The following CRX variants were observed in gnomAD, a reference collection of about 807,000 sequenced individuals.
CRX encodes the protein cone-rod homeobox protein.
Under a neutral mutation model 13.1 loss-of-function variants are expected in CRX, and 5 were observed. The ratio of observed to expected loss-of-function variants is 0.38; its 90% CI spans 0.20 to 0.80. The LOEUF is 0.80. Among genes scored for constraint, CRX ranks in the 30% least tolerant of loss-of-function variants. The probability of loss-of-function intolerance (pLI) is 0.43; values close to 1 mark genes in which losing one functional copy is unlikely to be tolerated. For missense variants in CRX, 351 were observed against 391.8 expected (o/e 0.90, Z 0.88); for synonymous variants, 179 against 171.1 (o/e 1.05, Z -0.36).
At chr19:47,822,155 G>A (rs4802392) in intron 1 of CRX, 145 bp downstream of exon 1, 52,377 of 152,344 alleles carry the variant, frequency 0.34, 10,682 homozygotes, top group East Asian at 0.74. Flanking sequence ...CAGAGGTGCC[G>A]TCCTGGCATT....
At chr19:47,834,281 G>A in intron 1 of CRX, 128 bp from the exon 2 acceptor site, 1 of 683,670 alleles carries the variant, frequency 1.5e-6, no homozygotes, top group Non-Finnish European at 2.7e-6. Flanking sequence ...GAGGTACAGA[G>A]AGGTGAGATA....
At chr19:47,826,694 A>G (rs753396653) in intron 1 of CRX, among the ~76,000 whole-genome samples, 3 of 152,242 alleles carry the variant, frequency 2.0e-5, no homozygotes, top group South Asian at 2.1e-4. Flanking sequence ...GACTACCTGT[A>G]TAGAGAAGGC....
At chr19:47,831,067 G>A (rs950330107) in intron 1 of CRX, among the ~76,000 whole-genome samples, 3 of 151,962 alleles carry the variant, frequency 2.0e-5, no homozygotes, top group Non-Finnish European at 4.4e-5. Flanking sequence ...CCAGCACTTT[G>A]GGAAGCCGAG....
At chr19:47,822,652 G>C (rs1454772997) in intron 1 of CRX, among the ~76,000 whole-genome samples, 1 of 152,218 alleles carries the variant, frequency 6.6e-6, no homozygotes, top group Non-Finnish European at 1.5e-5. Flanking sequence ...CACTGTGCTG[G>C]TGAATTGATC....
chr19:47,831,736 C>T (rs568784817), intron 1 of CRX, among the ~76,000 whole-genome samples: 27 of 151,916 alleles, frequency 1.8e-4, no homozygotes, highest in African/African-American at 5.3e-4. Flanking sequence ...GAGCCTAGAA[C>T]TTTTTTTAAT....
At chr19:47,831,888 G>T (rs553092856) in intron 1 of CRX, among the ~76,000 whole-genome samples, 3 of 143,794 alleles carry the variant, frequency 2.1e-5, no homozygotes, top group Non-Finnish European at 4.6e-5. Flanking sequence ...GATTACAGGC[G>T]CCTGCCACCA....
At chr19:47,835,583 A>AG (rs1485664668) in intron 2 of CRX, among the ~76,000 whole-genome samples, 2 of 142,764 alleles carry the variant, frequency 1.4e-5, no homozygotes, top group Non-Finnish European at 3.0e-5. Flanking sequence ...AAGAGAAGTG[A>AG]GTACTCAGTT....
chr19:47,834,019 C>T (rs1968086666), intron 1 of CRX, among the ~76,000 whole-genome samples: 1 of 147,154 alleles, frequency 6.8e-6, no homozygotes, highest in Non-Finnish European at 1.5e-5. Context: ...TTTTAAGAGA[C>T]AGGGTCTTGC....
At chr19:47,824,990 A>ATTTTTTTTTTT (rs11374819) in intron 1 of CRX, among the ~76,000 whole-genome samples, 4 of 100,366 alleles carry the variant, frequency 4.0e-5, no homozygotes, top group East Asian at 2.8e-4. Flanking sequence ...CGATTGATTG[A>ATTTTTTTTTTT]TTTTTTTTTT....
Position 47,830,993 on chromosome 19 carries a change from T to C in CRX, c.-35-3416T>C, listed in dbSNP as rs559019747. On this transcript the variant is annotated intron_variant, in intron 1 of 3. Coordinates refer to ENST00000221996, the MANE Select transcript of CRX (RefSeq NM_000554.6). The stretch of plus-strand genomic sequence containing the variant: ...CTTCCTGGGGTTACCATTTACCTTG[T>C]CGAAGTCTAGACTCTAATCAATAAT... 5.3e-5 allele frequency among the ~76,000 whole-genome samples: 8 copies of C among 152,110 alleles called. No individual in the cohort carries two copies. In the East Asian group the frequency reaches 1.6e-3, roughly 29 times the overall value.
rs996051611 is a variant in CRX, at chr19:47,832,198, C to T, written c.-35-2211C>T. 4.4e-5 allele frequency among the ~76,000 whole-genome samples: 6 copies of T among 137,488 alleles called. 1 individual carries two copies. The highest frequency in any genetic ancestry group is 1.6e-4 in the Admixed American group (2 of 12,696). 90.2% of individuals were successfully genotyped at this position (137,488 alleles called of 152,430 possible). A position where few individuals can be genotyped will look rare whatever the true frequency, so the allele number is the denominator to read the frequency against. ...TTGGCTCATTGCAACTTCTGCCTCC[C>T]GGGTTCAAGCGATTCTCCTGCCTCA... On this transcript the variant is annotated intron_variant, in intron 1 of 3. Coordinates refer to ENST00000221996, the MANE Select transcript of CRX (RefSeq NM_000554.6).
At position 47,841,952 on chromosome 19, in the gene CRX, T is replaced by C. The variant is rs1968202550; in HGVS notation, c.*1985T>C. 6.6e-6 allele frequency: 1 copy of C among 152,178 alleles called. No individual in the cohort carries two copies. The highest frequency in any genetic ancestry group is 2.1e-4 in the South Asian group (1 of 4,828). 9.4% of individuals were successfully genotyped at this position (152,178 alleles called of 1,614,324 possible). A position where few individuals can be genotyped will look rare whatever the true frequency, so the allele number is the denominator to read the frequency against. ...AGGAAAAGGTTGGTTGTGGAGTGTT[T>C]GTCAGTTTCCGTGGTGTAAATACTC... On this transcript the variant is annotated 3_prime_UTR_variant, in exon 4 of 4. Transcript: ENST00000221996.
rs1009639959 is a variant in CRX, at chr19:47,839,294, C to T, written c.253-26C>T. ...CCTGGGCCTCTTCCCCACTTACCCA[C>T]CCCCATCTCCGCTCTTATCCCCCAG... On this transcript the variant is annotated intron_variant, in intron 3 of 3. Transcript: ENST00000221996. This position sits in a 1 kb window ranked among gnomAD's most constrained non-coding sequence, Gnocchi z 4.6. 1 of 1,608,188 alleles carries T rather than the reference C, an allele frequency of 6.2e-7. No homozygotes were observed. Among genetic ancestry groups the T allele is most frequent in the Non-Finnish European group, 8.5e-7 (1 of 1,177,754 alleles).
At chr19:47,827,796 T>C (rs536420816) in intron 1 of CRX, among the ~76,000 whole-genome samples, 43 of 116,790 alleles carry the variant, frequency 3.7e-4, no homozygotes, top group African/African-American at 1.5e-3. Flanking sequence ...GTGTTGGGAT[T>C]ACAGGCAAGA....
At chr19:47,828,939 C>A (rs942297273) in intron 1 of CRX, among the ~76,000 whole-genome samples, 3 of 118,502 alleles carry the variant, frequency 2.5e-5, no homozygotes, top group African/African-American at 1.0e-4. Flanking sequence ...CACACACACA[C>A]ACAATTAAAA....
chr19:47,828,612 A>AGTGTGTGT (rs113277135), intron 1 of CRX, among the ~76,000 whole-genome samples: 33,654 of 149,348 alleles, frequency 0.23, 3,963 homozygotes, highest in Non-Finnish European at 0.27. Context: ...GGAGGTAGGG[A>AGTGTGTGT]GCGTGTGTGT....
At chr19:47,827,396 GT>G (rs1400906535) in intron 1 of CRX, among the ~76,000 whole-genome samples, 3 of 147,996 alleles carry the variant, frequency 2.0e-5, no homozygotes, top group Admixed American at 6.8e-5. Context: ...TGCACCTGCT[GT>G]TTTTTTAATT....
intron 1 of CRX, among the ~76,000 whole-genome samples, chr19:47,823,474 TC>T (rs892165613): frequency 6.6e-6 from 1 of 152,026 alleles, no homozygotes; most frequent in African/African-American, 2.4e-5. Flanking sequence ...GATCCCAGCT[TC>T]CCCCAGGTCT....
chr19:47,826,668 G>T (rs1457361360), intron 1 of CRX, among the ~76,000 whole-genome samples: 1 of 152,184 alleles, frequency 6.6e-6, no homozygotes, highest in African/African-American at 2.4e-5. Context: ...TCCCAAGGTT[G>T]TGCTGGGGAT....
Sources: allele counts gnomAD v4.1 joint callset (sites outside exome capture counted in the v4.1 genomes callset), GRCh38; gene constraint gnomAD v4.1.1; non-coding constraint Gnocchi (gnomAD v3.1); transcripts MANE v1.5; gene names NCBI Gene and HGNC (gene_info 2026-07-23, HGNC 2026-07-21).